The following ABCB9 variants were observed in gnomAD, a reference collection of about 807,000 sequenced individuals.
ABCB9 encodes the protein ATP binding cassette subfamily B member 9.
A neutral mutation model predicts 62.0 loss-of-function variants in ABCB9; 36 were observed. The observed-to-expected ratio is 0.58, with a 90% CI of 0.45 to 0.77. The LOEUF (loss-of-function observed/expected upper bound fraction) is 0.77, where lower values mean the gene tolerates loss of function less well. ABCB9 is among the 30% of genes least tolerant of loss of function. ABCB9 has a pLI of 0.00. For synonymous variants in ABCB9, 435 were observed against 461.4 expected, an observed-to-expected ratio of 0.94 and a Z score of 0.73; for missense variants, 943 against 1,054.7, an observed-to-expected ratio of 0.89 and a Z score of 1.47.
rs1425319767 is a variant in ABCB9, at chr12:122,959,677, A to T, written c.559T>A (p.Phe187Ile). Residue 187 changes from phenylalanine (F) to isoleucine (I), a missense_variant, in exon 2 of 12, where the codon TTC becomes ATC. Physicochemically the swap from Phe to Ile is conservative, Grantham distance 21. Transcript: ENST00000280560. The surrounding 1 kb of genome is among the most constrained non-coding windows in gnomAD (Gnocchi z 5.4). ...LLSYTKPDVA[F>I]LVAASFFLIV... is the part of the protein sequence containing the mutation. ...AGGAAGAAGGAGGCGGCCACGAGGAAGGCCACGTCGGGCTTGGTGTAGGAG... is the reference window on the plus strand; with the variant it reads ...AGGAAGAAGGAGGCGGCCACGAGGATGGCCACGTCGGGCTTGGTGTAGGAG... 1 of 1,585,102 alleles carries T rather than the reference A, an allele frequency of 6.3e-7. No homozygotes were observed. The highest frequency in any genetic ancestry group is 1.3e-5 in the African/African-American group (1 of 74,204).
At chr12:122,969,139 G>A (rs1004254534), upstream of ABCB9, among the ~76,000 whole-genome samples, 3 of 150,920 alleles carry the variant, frequency 2.0e-5, no homozygotes, top group Non-Finnish European at 4.4e-5. Flanking sequence ...ACAGGTGAGT[G>A]GGCCACCAGT....
intron 9 of ABCB9, 170 bp downstream of exon 9, chr12:122,939,941 C>T (rs2035656218): frequency 1.0e-6 from 1 of 952,400 alleles, no homozygotes; most frequent in African/African-American, 1.7e-5. Context: ...TGTGAGCCAC[C>T]ACGTCTGGAC....
In ABCB9 at chr12:122,959,680, C is replaced by A; in HGVS notation, c.556G>T (p.Ala186Ser). The A allele has an allele frequency of 6.3e-7, 1 of 1,589,034 alleles. No homozygotes were observed. Among genetic ancestry groups the A allele is most frequent in the Non-Finnish European group, 8.6e-7 (1 of 1,162,068 alleles). The part of the protein sequence containing the change: ...KLLSYTKPDV[A>S]FLVAASFFLI... ...AAGAAGGAGGCGGCCACGAGGAAGG[C>A]CACGTCGGGCTTGGTGTAGGAGAGC... Residue 186 changes from alanine (A) to serine (S), a missense_variant, in exon 2 of 12, where the codon GCC (alanine) becomes TCC (serine). Coordinates refer to ENST00000280560, the MANE Select transcript of ABCB9 (RefSeq NM_019625.4). This position sits in a 1 kb window ranked among gnomAD's most constrained non-coding sequence, Gnocchi z 5.4.
At chr12:122,935,467 G>A in intron 9 of ABCB9, 36 bp from the exon 10 acceptor site, 1 of 1,596,480 alleles carries the variant, frequency 6.3e-7, no homozygotes, top group African/African-American at 1.3e-5. Context: ...GAGAGGCCAG[G>A]AATGTGTTCA....
chr12:122,942,702 G>T (rs913445720), intron 7 of ABCB9, among the ~76,000 whole-genome samples: 1 of 151,932 alleles, frequency 6.6e-6, no homozygotes, highest in Non-Finnish European at 1.5e-5. Context: ...TACTCAAGTG[G>T]CTAAGGTGGG....
At chr12:122,942,065 T>C (rs909924653) in intron 7 of ABCB9, among the ~76,000 whole-genome samples, 6 of 151,914 alleles carry the variant, frequency 3.9e-5, no homozygotes, top group African/African-American at 1.5e-4. Context: ...GGTTCTAACA[T>C]TATCTCCTTT....
At chr12:122,924,814 T>C (rs1407360581), downstream of ABCB9, 1 of 1,534,760 alleles carries the variant, frequency 6.5e-7, no homozygotes, top group African/African-American at 1.4e-5. Flanking sequence ...CAGCACACTG[T>C]GTGGGACAGA....
intron 1 of ABCB9, among the ~76,000 whole-genome samples, chr12:122,963,190 C>A (rs1464548190): frequency 6.6e-6 from 1 of 152,158 alleles, no homozygotes; most frequent in African/African-American, 2.4e-5. Flanking sequence ...CCCAGCAACT[C>A]AGGAGGCTGA....
Position 122,949,851 on chromosome 12 carries a change from G to C in ABCB9, c.784C>G (p.Arg262Gly), listed in dbSNP as rs778779329. 8 of 1,614,218 alleles carry C rather than the reference G, an allele frequency of 5.0e-6. No individual in the cohort carries two copies. Among genetic ancestry groups the C allele is most frequent in the Middle Eastern group, 1.6e-4 (1 of 6,062 alleles). Residue 262 changes from arginine to glycine, a missense_variant, in exon 4 of 12, where the codon CGA (arginine) becomes GGA (glycine). Arg to Gly is a moderately radical substitution (Grantham distance 125, BLOSUM62 -2). Transcript: ENST00000280560. Reference sequence around the variant, plus strand: ...ACCAGTGAGCGGAAGAGACAGTTTCGAAGGCGAATGTTCAGTCTGGCAAAT... The same window carrying C: ...ACCAGTGAGCGGAAGAGACAGTTTCCAAGGCGAATGTTCAGTCTGGCAAAT... ...LIFARLNIRL[R>G]NCLFRSLVSQ...
Position 122,959,584 on chromosome 12 carries a change from C to G in ABCB9, c.601+51G>C. The G allele has an allele frequency of 1.3e-6, 2 of 1,510,952 alleles. No homozygotes were observed. The highest frequency in any genetic ancestry group is 1.8e-6 in the Non-Finnish European group (2 of 1,129,496). The allele number at this position is 1,510,952 out of a possible 1,614,324, so 93.6% of individuals were successfully genotyped here. On this transcript the variant is annotated intron_variant, in intron 2 of 11. Transcript: ENST00000280560. The surrounding 1 kb of genome is among the most constrained non-coding windows in gnomAD (Gnocchi z 5.4). ...CTTTTAAAATCTAAGGCAGTCATAT[C>G]CACCTAATTTGATGTTCTGGTGGCC...
At chr12:122,926,522 G>A (rs774463502), downstream of ABCB9, among the ~76,000 whole-genome samples, 1 of 152,092 alleles carries the variant, frequency 6.6e-6, no homozygotes, top group East Asian at 1.9e-4. Flanking sequence ...ACTCCAGCCT[G>A]GATGACAGAG....
intron 7 of ABCB9, among the ~76,000 whole-genome samples, chr12:122,942,194 C>G (rs2035796817): frequency 6.6e-6 from 1 of 152,216 alleles, no homozygotes; most frequent in East Asian, 1.9e-4. Context: ...AGTTCAGGCT[C>G]TTAGGTGCTG....
chr12:122,951,226 T>A (rs962999612), intron 2 of ABCB9, among the ~76,000 whole-genome samples: 13 of 151,370 alleles, frequency 8.6e-5, no homozygotes, highest in Non-Finnish European at 1.8e-4. Context: ...TTTTTCTTTT[T>A]CTAAAATATT....
At chr12:122,974,745 T>C (rs957960082) in exon 1 of ABCB9, 2 of 152,740 alleles carry the variant, frequency 1.3e-5, no homozygotes, top group African/African-American at 4.8e-5. Flanking sequence ...CAACAGACTG[T>C]GGCGGAGGGA....
rs926686696 is a variant in ABCB9, at chr12:122,960,505, C to T, written c.-87-183G>A. ...AGGGATACTTACTGAGTGCCCACTG[C>T]GGCCAGGTGCTGTTCTTTGTTCTTT... On this transcript the variant is annotated intron_variant, in intron 1 of 11. Coordinates refer to ENST00000280560, the MANE Select transcript of ABCB9 (RefSeq NM_019625.4). Among the ~76,000 whole-genome samples, 6 of 152,282 alleles carry T rather than the reference C, an allele frequency of 3.9e-5. No homozygotes were observed. The East Asian group carries it at 5.8e-4, about 15-fold the overall frequency.
In ABCB9 at chr12:122,930,134, G is replaced by C; in HGVS notation, c.2078C>G (p.Thr693Arg). 6.4e-7 allele frequency: 1 copy of C among 1,552,842 alleles called. No individual in the cohort carries two copies. The highest frequency in any genetic ancestry group is 8.7e-7 in the Non-Finnish European group (1 of 1,147,766). ...QAIHGNLQKH[T>R]VLIIAHRLST... ...CAGCCGGTGCGCGATGATGAGTACC[G>C]TGTGCTTCTGCAGGTTGCCATGGAT... Residue 693 changes from threonine (T) to arginine (R), a missense_variant, in exon 12 of 12, where the codon ACG (threonine) becomes AGG (arginine). Transcript: ENST00000280560. This position sits in a 1 kb window ranked among gnomAD's most constrained non-coding sequence, Gnocchi z 4.9.
At chr12:122,954,271 C>T (rs1488529958) in intron 2 of ABCB9, among the ~76,000 whole-genome samples, 1 of 151,896 alleles carries the variant, frequency 6.6e-6, no homozygotes, top group East Asian at 1.9e-4. Context: ...TGCAATGGTG[C>T]GATCTCCACT....
At chr12:122,924,725 T>G (rs1311832413), downstream of ABCB9, 11 of 1,532,504 alleles carry the variant, frequency 7.2e-6, no homozygotes, top group Non-Finnish European at 8.7e-6. Context: ...TCATCCCTGC[T>G]TGTTTTCCTC....
chr12:122,934,514 C>A (rs888485588), intron 10 of ABCB9, among the ~76,000 whole-genome samples: 1 of 151,702 alleles, frequency 6.6e-6, no homozygotes, highest in South Asian at 2.1e-4. Flanking sequence ...CATAGCAAGA[C>A]CCCGTCTCTA....
Sources: allele counts gnomAD v4.1 joint callset (sites outside exome capture counted in the v4.1 genomes callset), GRCh38; gene constraint gnomAD v4.1.1; non-coding constraint Gnocchi (gnomAD v3.1); transcripts MANE v1.5; gene names NCBI Gene and HGNC (gene_info 2026-07-23, HGNC 2026-07-21).